The following ZNF135 variants were observed in gnomAD, a reference collection of about 807,000 sequenced individuals.
The protein encoded by ZNF135 is zinc finger protein 135, also known as zinc finger protein 135 (clone pHZ-17).
ZNF135 carries 11 observed loss-of-function variants against 12.3 expected under a neutral mutation model. That is an observed-to-expected ratio of 0.89 (90% CI 0.56 to 1.48). The LOEUF (loss-of-function observed/expected upper bound fraction) is 1.48, where lower values mean the gene tolerates loss of function less well. ZNF135 is among the 40% of genes most tolerant of loss of function. ZNF135 has a pLI of 0.00. For synonymous variants in ZNF135, 316 were observed against 312.0 expected, an observed-to-expected ratio of 1.01 and a Z score of -0.14; for missense variants, 722 against 815.7, an observed-to-expected ratio of 0.89 and a Z score of 1.40.
Position 58,060,501 on chromosome 19 carries a change from C to T in ZNF135, c.33+466C>T. On this transcript the variant is annotated intron_variant, in intron 2 of 4. Coordinates refer to ENST00000313434, the MANE Select transcript of ZNF135 (RefSeq NM_001289401.2). This position sits in a 1 kb window ranked among gnomAD's most constrained non-coding sequence, Gnocchi z 4.9. ...TCAGAAAATTGTAGGTGCCCCGGCT[C>T]TGCAGTCTGAAGTTGAAGGCCTTAG... is the stretch of plus-strand genomic sequence containing the variant. 1 of 1,003,408 alleles carries T rather than the reference C, an allele frequency of 1.0e-6. No individual in the cohort carries two copies. The highest frequency in any genetic ancestry group is 1.2e-6 in the Non-Finnish European group (1 of 824,456). The allele number at this position is 1,003,408 out of a possible 1,614,324, so 62.2% of individuals were successfully genotyped here.
chr19:58,059,598 C>A lies in ZNF135; in HGVS notation c.-35+288C>A. ...GGGAACGCGCGCCCCGCCCCTGGCC[C>A]CACCTCTGCCCCACACCGGGCACTG... On this transcript the variant is annotated intron_variant, in intron 1 of 4. Transcript: ENST00000313434. This position sits in a 1 kb window ranked among gnomAD's most constrained non-coding sequence, Gnocchi z 6.5. 1 of 521,296 alleles carries A rather than the reference C, an allele frequency of 1.9e-6. No homozygotes were observed. The highest frequency in any genetic ancestry group is 2.6e-5 in the South Asian group (1 of 38,618). 32.3% of individuals were successfully genotyped at this position (521,296 alleles called of 1,614,324 possible).
rs2073941579 is a variant in ZNF135, at chr19:58,060,014, G to A, written c.12G>A (p.Gly4=). Reference sequence around the variant, plus strand: ...CCAGAAGCCAGGGCATGACCCCTGGGGTGCGCGTCTCCACAGACCCGGTGA... The same window carrying A: ...CCAGAAGCCAGGGCATGACCCCTGGAGTGCGCGTCTCCACAGACCCGGTGA... MTP[G]VRVSTDPEQV... is the part of the protein sequence containing the mutation. The change falls in exon 2 of 5, where the codon GGG becomes GGA. Residue 4 remains glycine (G), a synonymous_variant. Transcript: ENST00000313434. This position sits in a 1 kb window ranked among gnomAD's most constrained non-coding sequence, Gnocchi z 4.9. The A allele has an allele frequency of 6.2e-7, 1 of 1,613,362 alleles. No individual in the cohort carries two copies. Among genetic ancestry groups the A allele is most frequent in the Admixed American group, 1.7e-5 (1 of 60,004 alleles).
In ZNF135 at chr19:58,060,219, G is replaced by A. The variant is rs1048989787; in HGVS notation, c.33+184G>A. The A allele has an allele frequency of 2.1e-6, 3 of 1,446,736 alleles. No individual in the cohort carries two copies. Among genetic ancestry groups the A allele is most frequent in the South Asian group, 2.8e-5 (2 of 72,486 alleles). The allele number at this position is 1,446,736 out of a possible 1,614,324, so 89.6% of individuals were successfully genotyped here. On this transcript the variant is annotated intron_variant, in intron 2 of 4. Coordinates refer to ENST00000313434, the MANE Select transcript of ZNF135 (RefSeq NM_001289401.2). The surrounding 1 kb of genome is among the most constrained non-coding windows in gnomAD (Gnocchi z 4.9). ...TGCCCGGCCTCTACTCGCACAACTG[G>A]CCTCTACTCGCGCACCTGGCCTCTA...
intron 2 of ZNF135, among the ~76,000 whole-genome samples, chr19:58,061,082 CAT>C (rs2073971091): frequency 6.6e-6 from 1 of 151,358 alleles, no homozygotes; most frequent in South Asian, 2.1e-4. Flanking sequence ...GAGCCAAGAT[CAT>C]GCCACTGCAC....
At chr19:58,066,296 T>A (rs868845440) in intron 4 of ZNF135, among the ~76,000 whole-genome samples, 1 of 152,188 alleles carries the variant, frequency 6.6e-6, no homozygotes, top group African/African-American at 2.4e-5. Context: ...ACTTTCCCCA[T>A]GCAGCACGTT....
rs2074116209 is a variant in ZNF135, at chr19:58,068,388, C to T, written c.1904C>T (p.Ala635Val). Residue 635 changes from alanine to valine, a missense_variant, in exon 5 of 5, where the codon GCA becomes GTA. Ala to Val is a moderately conservative substitution (Grantham distance 64, BLOSUM62 0). Transcript: ENST00000313434. The part of the protein sequence containing the change: ...RRIHTGEKPY[A>V]CRDCGKAFTH... ...ATCCACACAGGAGAGAAGCCATATG[C>T]ATGCAGGGACTGTGGAAAGGCCTTT... is the stretch of plus-strand genomic sequence containing the variant. 6.2e-7 allele frequency: 1 copy of T among 1,614,046 alleles called. No homozygotes were observed. Among genetic ancestry groups the T allele is most frequent in the African/African-American group, 1.3e-5 (1 of 74,916 alleles).
At position 58,060,196 on chromosome 19, in the gene ZNF135, C is replaced by T; in HGVS notation, c.33+161C>T. 2.7e-6 allele frequency: 4 copies of T among 1,494,040 alleles called. No homozygotes were observed. The highest frequency in any genetic ancestry group is 2.6e-5 in the South Asian group (2 of 76,664). 92.5% of individuals were successfully genotyped at this position (1,494,040 alleles called of 1,614,324 possible). A position where few individuals can be genotyped will look rare whatever the true frequency, so the allele number is the denominator to read the frequency against. Reference sequence around the variant, plus strand: ...CTTGCGTGCCCGGCCCCTACTCGTGCCCGGCCTCTACTCGCACAACTGGCC... The same window carrying T: ...CTTGCGTGCCCGGCCCCTACTCGTGTCCGGCCTCTACTCGCACAACTGGCC... On this transcript the variant is annotated intron_variant, in intron 2 of 4. Coordinates refer to ENST00000313434, the MANE Select transcript of ZNF135 (RefSeq NM_001289401.2). This position sits in a 1 kb window ranked among gnomAD's most constrained non-coding sequence, Gnocchi z 4.9.
intron 3 of ZNF135, 120 bp downstream of exon 3, chr19:58,061,826 G>A (rs1293060083): frequency 2.3e-6 from 3 of 1,313,648 alleles, no homozygotes; most frequent in East Asian, 5.3e-5. Context: ...TATGTCTTGG[G>A]CTTTAAGAAC....
At chr19:58,062,732 G>A (rs1373153884) in intron 3 of ZNF135, among the ~76,000 whole-genome samples, 1 of 151,246 alleles carries the variant, frequency 6.6e-6, no homozygotes, top group African/African-American at 2.4e-5. Flanking sequence ...TTGTTCTCTT[G>A]CCCAGGGTGG....
Position 58,063,853 on chromosome 19 carries a change from G to A in ZNF135, c.256+312G>A, listed in dbSNP as rs1418084442. On this transcript the variant is annotated intron_variant, in intron 4 of 4. Transcript: ENST00000313434. This position sits in a 1 kb window ranked among gnomAD's most constrained non-coding sequence, Gnocchi z 4.4. Reference sequence around the variant, plus strand: ...GAGCAATGAGGTAGACTAGGAGGGGGATGAGTAGACTTTAGCAGAGAGATG... The same window carrying A: ...GAGCAATGAGGTAGACTAGGAGGGGAATGAGTAGACTTTAGCAGAGAGATG... 1 of 367,810 alleles carries A rather than the reference G, an allele frequency of 2.7e-6. No homozygotes were observed. The highest frequency in any genetic ancestry group is 2.2e-5 in the African/African-American group (1 of 45,232). The allele number at this position is 367,810 out of a possible 1,614,324, so 22.8% of individuals were successfully genotyped here.
Position 58,066,750 on chromosome 19 carries a change from C to T in ZNF135, c.266C>T (p.Thr89Ile), listed in dbSNP as rs745885263. The part of the protein sequence containing the change: ...LPQGVYPDLE[T>I]RPKVKLSVLK... ...TTTTTGCTTCTTTCAGACTTGGAAA[C>T]TAGACCCAAAGTCAAACTGTCAGTT... The change falls in exon 5 of 5, where the codon ACT becomes ATT. Residue 89 changes from threonine (T) to isoleucine (I), a missense_variant. Physicochemically the swap from Thr to Ile is moderately conservative, Grantham distance 89. Coordinates refer to ENST00000313434, the MANE Select transcript of ZNF135 (RefSeq NM_001289401.2). 10 of 1,613,770 alleles carry T rather than the reference C, an allele frequency of 6.2e-6. No individual in the cohort carries two copies. Among genetic ancestry groups the T allele is most frequent in the Admixed American group, 3.3e-5 (2 of 59,964 alleles).
chr19:58,067,525 C>T lies in ZNF135; in HGVS notation c.1041C>T (p.Ile347=), dbSNP rs1357304682. Residue 347 remains isoleucine (I), a synonymous_variant, in exon 5 of 5, where the codon ATC becomes ATT. Coordinates refer to ENST00000313434, the MANE Select transcript of ZNF135 (RefSeq NM_001289401.2). ...TCCACCTCACCCAGCATCTGCGAAT[C>T]CACACTGGGGAGAAACCCTATCAGT... ...QSIHLTQHLR[I]HTGEKPYQCG... The T allele has an allele frequency of 1.2e-6, 2 of 1,613,518 alleles. No individual in the cohort carries two copies. The highest frequency in any genetic ancestry group is 1.1e-5 in the South Asian group (1 of 91,048).
chr19:58,063,297 A>T lies in ZNF135; in HGVS notation c.161-149A>T. On this transcript the variant is annotated intron_variant, in intron 3 of 4. Coordinates refer to ENST00000313434, the MANE Select transcript of ZNF135 (RefSeq NM_001289401.2). This position sits in a 1 kb window ranked among gnomAD's most constrained non-coding sequence, Gnocchi z 4.4. ...CTGAGAGTAGGGGAATGAGTCCCTG[A>T]GGAACATCCAGGGCTGTGGGTATGA... 1 of 1,329,118 alleles carries T rather than the reference A, an allele frequency of 7.5e-7. No individual in the cohort carries two copies. Among genetic ancestry groups the T allele is most frequent in the Non-Finnish European group, 1.0e-6 (1 of 987,178 alleles). The allele number at this position is 1,329,118 out of a possible 1,614,324, so 82.3% of individuals were successfully genotyped here.
Position 58,068,689 on chromosome 19 carries a change from A to T in ZNF135, c.*228A>T, listed in dbSNP as rs186177625. The T allele has an allele frequency of 4.2e-4, 230 of 543,638 alleles. 1 individual carries two copies. Among genetic ancestry groups the T allele is most frequent in the African/African-American group, 4.0e-3 (212 of 53,256 alleles). The allele number at this position is 543,638 out of a possible 1,614,324, so 33.7% of individuals were successfully genotyped here. On this transcript the variant is annotated 3_prime_UTR_variant, in exon 5 of 5. Transcript: ENST00000313434. The stretch of plus-strand genomic sequence containing the variant: ...ATCCAAATAGTAGGGAAACGTGGAG[A>T]TAATCAACACTCAGGACCTTCAGCC...
chr19:58,068,358 G>A lies in ZNF135; in HGVS notation c.1874G>A (p.Arg625Gln), dbSNP rs149395140. 78 of 1,611,432 alleles carry A rather than the reference G, an allele frequency of 4.8e-5. No homozygotes were observed. The highest frequency in any genetic ancestry group is 7.7e-5 in the South Asian group (7 of 90,808). ...CAGAGCACCCACCTCACTCAGCACC[G>A]GAGGATCCACACAGGAGAGAAGCCA... ...FRQSTHLTQH[R>Q]RIHTGEKPYA... is the part of the protein sequence containing the mutation. The change falls in exon 5 of 5, where the codon CGG (arginine) becomes CAG (glutamine). Residue 625 changes from arginine (R) to glutamine (Q), a missense_variant. Physicochemically the swap from Arg to Gln is conservative, Grantham distance 43. Transcript: ENST00000313434.
At chr19:58,064,850 A>G (rs1451611109) in intron 4 of ZNF135, among the ~76,000 whole-genome samples, 2 of 152,198 alleles carry the variant, frequency 1.3e-5, no homozygotes, top group Non-Finnish European at 2.9e-5. Flanking sequence ...AGATCACGCC[A>G]CTGTGCTCCT....
rs2074077776 is a variant in ZNF135, at chr19:58,066,973, TG to T, written c.492del (p.Phe165LeufsTer5). ...CTGTTCTGGAGCAGTGGCAGAGGAA[TG>T]GGTTTGGGGAAAACATAAGTCTGAA... is the stretch of plus-strand genomic sequence containing the variant. Reference protein sequence around the residue: ...TPVLEQWQRNGFGENISLNPD... With the variant: ...TPVLEQWQRNXFGENISLNPD... On this transcript the variant is annotated frameshift_variant, in exon 5 of 5. Coordinates refer to ENST00000313434, the MANE Select transcript of ZNF135 (RefSeq NM_001289401.2). LOFTEE classifies it low-confidence loss of function (END_TRUNC). The T allele has an allele frequency of 6.2e-7, 1 of 1,614,130 alleles. No individual in the cohort carries two copies. The highest frequency in any genetic ancestry group is 8.5e-7 in the Non-Finnish European group (1 of 1,180,006).
chr19:58,059,377 G>T lies in ZNF135; in HGVS notation c.-35+67G>T, dbSNP rs1009706366. The stretch of plus-strand genomic sequence containing the variant: ...GGCCGGGCCGGGCCGGGTGCGGGGG[G>T]TCCGGGGATCTTCCTGAGGCCCTGG... On this transcript the variant is annotated intron_variant, in intron 1 of 4. Transcript: ENST00000313434. The surrounding 1 kb of genome is among the most constrained non-coding windows in gnomAD (Gnocchi z 6.5). 1.4e-5 allele frequency: 12 copies of T among 851,818 alleles called. No individual in the cohort carries two copies. In the Admixed American group the frequency reaches 2.5e-4, roughly 18 times the overall value. The allele number at this position is 851,818 out of a possible 1,614,324, so 52.8% of individuals were successfully genotyped here.
At position 58,067,433 on chromosome 19, in the gene ZNF135, G is replaced by A. The variant is rs146430887; in HGVS notation, c.949G>A (p.Glu317Lys). Residue 317 changes from glutamate (E) to lysine (K), a missense_variant, in exon 5 of 5, where the codon GAG becomes AAG. Glu to Lys is a moderately conservative substitution (Grantham distance 56). Coordinates refer to ENST00000313434, the MANE Select transcript of ZNF135 (RefSeq NM_001289401.2). ...FSFRSSFSQH[E>K]RTHTGEKPYE... is the part of the protein sequence containing the mutation. ...TTTTAGGTCCTCCTTCAGCCAGCACGAGCGAACTCACACAGGCGAGAAGCC... is the reference window on the plus strand; with the variant it reads ...TTTTAGGTCCTCCTTCAGCCAGCACAAGCGAACTCACACAGGCGAGAAGCC... 2,175 of 1,613,992 alleles carry A rather than the reference G, an allele frequency of 1.3e-3. 3 individuals are homozygous for A. Among genetic ancestry groups the A allele is most frequent in the Non-Finnish European group, 1.8e-3 (2,082 of 1,179,982 alleles).
Sources: allele counts gnomAD v4.1 joint callset (sites outside exome capture counted in the v4.1 genomes callset), GRCh38; gene constraint gnomAD v4.1.1; non-coding constraint Gnocchi (gnomAD v3.1); transcripts MANE v1.5; gene names NCBI Gene and HGNC (gene_info 2026-07-23, HGNC 2026-07-21).